APBA2: variants seen among roughly 807,000 people sequenced by gnomAD.
The protein encoded by APBA2 is amyloid beta precursor protein binding family A member 2.
APBA2 carries 30 observed loss-of-function variants against 75.0 expected under a neutral mutation model. The observed-to-expected ratio is 0.40, with a 90% CI of 0.30 to 0.54. APBA2 has a LOEUF of 0.54. APBA2 is among the 20% of genes least tolerant of loss of function. The probability of loss-of-function intolerance (pLI) is 0.49; values close to 1 mark genes in which losing one functional copy is unlikely to be tolerated. For missense variants in APBA2, 801 were observed against 1,016.1 expected (o/e 0.79, Z 2.88); for synonymous variants, 444 against 409.6 (o/e 1.08, Z -1.01).
chr15:29,047,141 G>C (rs543078331), intron 3 of APBA2, among the ~76,000 whole-genome samples: 1 of 152,300 alleles, frequency 6.6e-6, no homozygotes, highest in African/African-American at 2.4e-5. Context: ...ATTGAAACAA[G>C]GACCTTCAGT....
chr15:29,061,594 C>G (rs1028633041), intron 4 of APBA2, among the ~76,000 whole-genome samples: 1 of 152,224 alleles, frequency 6.6e-6, no homozygotes, highest in African/African-American at 2.4e-5. Flanking sequence ...TCGAGGGCCC[C>G]GAGGCCACAT....
rs370462052 is a variant in APBA2, at chr15:29,085,562, G to A, written c.1070-7513G>A. On this transcript the variant is annotated intron_variant, in intron 6 of 14. Transcript: ENST00000683413. ...AAAAAAAAAATTAATGAGTTTCCCC[G>A]ACAGCCTTTAAAAGATAACCGGTGA... Among the ~76,000 whole-genome samples the A allele has an allele frequency of 4.6e-5, 7 of 150,694 alleles. No individual in the cohort carries two copies. The East Asian group carries it at 9.7e-4, about 21-fold the overall frequency.
intron 2 of APBA2, among the ~76,000 whole-genome samples, chr15:28,959,571 A>G (rs1216457974): frequency 3.8e-5 from 5 of 130,000 alleles, no homozygotes; most frequent in African/African-American, 2.2e-4. Flanking sequence ...TGCTGACACC[A>G]TAATCTCGAC....
chr15:29,117,047 T>C lies in APBA2; in HGVS notation c.2179-15T>C. The stretch of plus-strand genomic sequence containing the variant: ...GTGGGAGGGCAGCGGCTCAGCCTCC[T>C]GTTTCTGTCCGCAGATCCACATGAA... On this transcript the variant is annotated splice_polypyrimidine_tract_variant and intron_variant, in intron 14 of 14. Transcript: ENST00000683413. 2 of 1,612,948 alleles carry C rather than the reference T, an allele frequency of 1.2e-6. No homozygotes were observed. Among genetic ancestry groups the C allele is most frequent in the East Asian group, 2.2e-5 (1 of 44,862 alleles).
intron 3 of APBA2, among the ~76,000 whole-genome samples, chr15:29,013,273 CTTTTTTTTTT>C (rs560518234): frequency 1.2e-5 from 1 of 85,848 alleles, no homozygotes; most frequent in African/African-American, 5.0e-5. Flanking sequence ...ATGAGTCATT[CTTTTTTTTTT>C]TTTTTTTTTT....
At chr15:28,922,587 T>C (rs1043683150) in intron 2 of APBA2, among the ~76,000 whole-genome samples, 7 of 152,176 alleles carry the variant, frequency 4.6e-5, no homozygotes, top group Non-Finnish European at 1.0e-4. Context: ...TGCTCTGTCC[T>C]TTAGTGGGCC....
chr15:29,033,964 C>CAAAAAAA (rs34808408), intron 3 of APBA2, among the ~76,000 whole-genome samples: 32 of 39,442 alleles, frequency 8.1e-4, no homozygotes, highest in Admixed American at 1.2e-3. Flanking sequence ...GACTCCATCT[C>CAAAAAAA]AAAAAAAAAA....
chr15:28,977,542 A>G (rs935422228), intron 2 of APBA2: 1 of 152,156 alleles, frequency 6.6e-6, no homozygotes, highest in South Asian at 2.1e-4. Flanking sequence ...TCCTGATTCC[A>G]TTGGCTGTGA....
chr15:29,055,377 A>G (rs1595851139), intron 4 of APBA2, among the ~76,000 whole-genome samples: 1 of 152,180 alleles, frequency 6.6e-6, no homozygotes, highest in East Asian at 1.9e-4. Context: ...ACCTATTTGG[A>G]AAAGGATTTT....
At chr15:28,887,151 A>G (rs1255032995) in intron 1 of APBA2, among the ~76,000 whole-genome samples, 1 of 152,240 alleles carries the variant, frequency 6.6e-6, no homozygotes, top group Non-Finnish European at 1.5e-5. Flanking sequence ...CTATTCAGAT[A>G]CGACCTGGCA....
intron 1 of APBA2, among the ~76,000 whole-genome samples, chr15:28,903,516 G>A (rs1176781740): frequency 6.6e-6 from 1 of 152,198 alleles, no homozygotes. Flanking sequence ...TTACATAAGC[G>A]TCAGCGCCTG....
intron 3 of APBA2, among the ~76,000 whole-genome samples, chr15:29,002,439 G>T (rs1437609505): frequency 2.0e-5 from 3 of 152,070 alleles, no homozygotes; most frequent in African/African-American, 7.2e-5. Flanking sequence ...ATCTGCAGAG[G>T]AAAGGGTGAT....
chr15:29,106,463 T>G, intron 11 of APBA2, 144 bp from the exon 12 acceptor site: 1 of 931,272 alleles, frequency 1.1e-6, no homozygotes, highest in Non-Finnish European at 1.7e-6. Context: ...GCCCAAGACC[T>G]CTCCTGGCTG....
chr15:29,067,347 A>T (rs920610044), intron 4 of APBA2, among the ~76,000 whole-genome samples: 1 of 152,216 alleles, frequency 6.6e-6, no homozygotes, highest in African/African-American at 2.4e-5. Flanking sequence ...AACTGTGATT[A>T]TACCCATTCA....
chr15:28,931,898 C>T (rs989938099), intron 2 of APBA2, among the ~76,000 whole-genome samples: 19 of 152,172 alleles, frequency 1.2e-4, no homozygotes, highest in African/African-American at 3.6e-4. Context: ...AATGCACAGA[C>T]GTTCAAGTGG....
intron 2 of APBA2, among the ~76,000 whole-genome samples, chr15:28,958,258 C>T (rs1046708920): frequency 2.6e-5 from 4 of 152,162 alleles, no homozygotes; most frequent in African/African-American, 9.7e-5. Flanking sequence ...GGAGGAGGGG[C>T]CATAATAGCA....
chr15:29,031,663 A>G (rs1022509862), intron 3 of APBA2, among the ~76,000 whole-genome samples: 2 of 152,116 alleles, frequency 1.3e-5, no homozygotes, highest in African/African-American at 4.8e-5. Flanking sequence ...TGCATGTTAC[A>G]GATTGCTGAT....
chr15:29,066,405 A>G (rs1269510978), intron 4 of APBA2, among the ~76,000 whole-genome samples: 1 of 152,212 alleles, frequency 6.6e-6, no homozygotes, highest in Non-Finnish European at 1.5e-5. Context: ...CACAGGCTGC[A>G]ATATGGACAA....
At chr15:28,958,989 GTTCTC>G (rs929554572) in intron 2 of APBA2, among the ~76,000 whole-genome samples, 1 of 151,762 alleles carries the variant, frequency 6.6e-6, no homozygotes, top group Non-Finnish European at 1.5e-5. Context: ...CTTCTCTTCT[GTTCTC>G]TTCTCTTCTT....
Sources: gnomAD v4.1 joint callset for allele counts (sites outside exome capture counted in the v4.1 genomes callset) on GRCh38, gnomAD v4.1.1 for gene constraint, MANE v1.5 for transcripts, NCBI Gene and HGNC (gene_info 2026-07-23, HGNC 2026-07-21) for gene names.